The following RGS6 variants were observed in gnomAD, a reference collection of about 807,000 sequenced individuals.
RGS6 encodes regulator of G protein signaling 6.
Under a neutral mutation model 78.5 loss-of-function variants are expected in RGS6, and 30 were observed. The observed-to-expected ratio is 0.38, with a 90% CI of 0.29 to 0.52. The LOEUF is 0.52. Ranked by LOEUF, RGS6 falls within the 20% of genes least tolerant of loss-of-function variation. RGS6 has a pLI of 0.85. For synonymous variants in RGS6, 206 were observed against 206.0 expected (o/e 1.00, Z 0.00); for missense variants, 495 against 609.7 (o/e 0.81, Z 1.98).
chr14:72,175,233 C>T (rs780335692), intron 2 of RGS6, among the ~76,000 whole-genome samples: 1 of 152,128 alleles, frequency 6.6e-6, no homozygotes, highest in Non-Finnish European at 1.5e-5. Flanking sequence ...TTGTCGTTTG[C>T]ATACCATGTA....
chr14:72,323,938 G>T (rs1169573915), intron 2 of RGS6, among the ~76,000 whole-genome samples: 3 of 149,222 alleles, frequency 2.0e-5, no homozygotes, highest in Non-Finnish European at 4.4e-5. Context: ...TATTTATGGG[G>T]TACTTGAGAT....
In RGS6 at chr14:72,150,623, C is replaced by T. The variant is rs377375748; in HGVS notation, c.84+185748C>T. On this transcript the variant is annotated intron_variant, in intron 2 of 17. Transcript: ENST00000553525. ...GCAGAAGGTTAAGGGGAAGCAGGCA[C>T]GTCTTACATAGCCCAAGCAGAAGGA... Among the ~76,000 whole-genome samples, 113 of 152,022 alleles carry T rather than the reference C, an allele frequency of 7.4e-4. 7 individuals carry two copies. In the South Asian group the frequency reaches 0.023, roughly 31 times the overall value.
chr14:72,068,323 G>T (rs2094253917), intron 2 of RGS6, among the ~76,000 whole-genome samples: 1 of 151,448 alleles, frequency 6.6e-6, no homozygotes, highest in African/African-American at 2.4e-5. Context: ...TTTGCAGAGA[G>T]GGGGTTTTGC....
At chr14:72,501,249 G>A (rs1321161119) in intron 13 of RGS6, among the ~76,000 whole-genome samples, 1 of 152,168 alleles carries the variant, frequency 6.6e-6, no homozygotes, top group Non-Finnish European at 1.5e-5. Flanking sequence ...CAGCCAAATG[G>A]AGGATGGCCA....
chr14:72,099,321 G>A lies in RGS6; in HGVS notation c.84+134446G>A, dbSNP rs571247944. ...ACTACAGGTACCAGCCTCCATGCCC[G>A]GCTAATTTTTTATATTTTTAGTAGA... On this transcript the variant is annotated intron_variant, in intron 2 of 17. Coordinates refer to ENST00000553525, the MANE Select transcript of RGS6 (RefSeq NM_001204424.2). Among the ~76,000 whole-genome samples the A allele has an allele frequency of 4.6e-5, 7 of 152,088 alleles. No homozygotes were observed. The East Asian group carries it at 5.8e-4, about 13-fold the overall frequency.
the RGS6 span, among the ~76,000 whole-genome samples, chr14:71,894,819 T>G: frequency 1.1e-5 from 1 of 87,194 alleles, no homozygotes; most frequent in African/African-American, 4.8e-5. Context: ...ATCAAAGGTA[T>G]TTTCCTTTTT....
chr14:72,614,097 TC>T, the RGS6 span, among the ~76,000 whole-genome samples: 3 of 152,146 alleles, frequency 2.0e-5, no homozygotes, highest in African/African-American at 7.2e-5. Flanking sequence ...AACCCATCTG[TC>T]CCATTGTTTC....
chr14:72,000,045 G>A (rs2083142377), intron 2 of RGS6, among the ~76,000 whole-genome samples: 1 of 152,174 alleles, frequency 6.6e-6, no homozygotes, highest in Admixed American at 6.5e-5. Context: ...GACTGGATCA[G>A]GGAGAACCTT....
upstream of RGS6, among the ~76,000 whole-genome samples, chr14:71,930,977 CAAAAAAAAAAAAAAAAAAAAA>C (rs58649273): frequency 5.0e-3 from 83 of 16,648 alleles, no homozygotes; most frequent in East Asian, 0.062. Context: ...AACTACGTCT[CAAAAAAAAAAAAAAAAAAAAA>C]AAAAAAAAAA....
At chr14:72,528,607 C>G (rs1307805452) in intron 15 of RGS6, among the ~76,000 whole-genome samples, 2 of 152,044 alleles carry the variant, frequency 1.3e-5, no homozygotes, top group East Asian at 3.9e-4. Context: ...TTAGTCATCT[C>G]TGTTGTAGAA....
intron 2 of RGS6, among the ~76,000 whole-genome samples, chr14:72,191,034 T>C (rs2097317317): frequency 6.6e-6 from 1 of 152,210 alleles, no homozygotes; most frequent in South Asian, 2.1e-4. Flanking sequence ...AGGTCTTCAT[T>C]ACTCCTGTAT....
Position 72,372,910 on chromosome 14 carries a change from A to G in RGS6, c.184+20716A>G, listed in dbSNP as rs142331417. On this transcript the variant is annotated intron_variant, in intron 3 of 17. Coordinates refer to ENST00000553525, the MANE Select transcript of RGS6 (RefSeq NM_001204424.2). ...GGATGTATATGAACTGAGACTCTTGAGGCTAAGAGGCTGCATGGGGCAGCC... is the reference window on the plus strand; with the variant it reads ...GGATGTATATGAACTGAGACTCTTGGGGCTAAGAGGCTGCATGGGGCAGCC... Among the ~76,000 whole-genome samples, 500 of 152,332 alleles carry G rather than the reference A, an allele frequency of 3.3e-3. 20 individuals are homozygous for G. Among genetic ancestry groups the G allele is most frequent in the Admixed American group, 0.024 (374 of 15,308 alleles).
intron 2 of RGS6, among the ~76,000 whole-genome samples, chr14:72,324,840 G>A (rs933976212): frequency 8.5e-5 from 13 of 152,088 alleles, no homozygotes; most frequent in African/African-American, 3.1e-4. Flanking sequence ...CTTTATAGCA[G>A]CATGATTTAT....
At chr14:71,932,219 C>T (rs534290837), upstream of RGS6, among the ~76,000 whole-genome samples, 1 of 152,210 alleles carries the variant, frequency 6.6e-6, no homozygotes, top group Non-Finnish European at 1.5e-5. Context: ...GCGCCTTCCG[C>T]GGCTCTGGGA....
chr14:72,568,735 C>T (rs888740308), downstream of RGS6, among the ~76,000 whole-genome samples: 3 of 152,238 alleles, frequency 2.0e-5, no homozygotes, highest in African/African-American at 7.2e-5. Context: ...TGGCTACTTC[C>T]GTGAGATTTG....
intron 4 of RGS6, among the ~76,000 whole-genome samples, chr14:72,457,562 C>A (rs1300316340): frequency 2.0e-5 from 3 of 152,076 alleles, no homozygotes; most frequent in Non-Finnish European, 4.4e-5. Context: ...GGATTACAGG[C>A]GTGAGCCACC....
intron 2 of RGS6, among the ~76,000 whole-genome samples, chr14:72,093,282 C>A (rs1244371124): frequency 6.6e-6 from 1 of 152,138 alleles, no homozygotes; most frequent in East Asian, 1.9e-4. Flanking sequence ...CACTCTGTCA[C>A]CCAGGCTGGA....
At chr14:72,609,547 T>G in the RGS6 span, among the ~76,000 whole-genome samples, 1 of 152,144 alleles carries the variant, frequency 6.6e-6, no homozygotes, top group African/African-American at 2.4e-5. Flanking sequence ...GATACGTTCC[T>G]TAGGCAGGGC....
At chr14:71,916,569 G>A in the RGS6 span, among the ~76,000 whole-genome samples, 1 of 152,198 alleles carries the variant, frequency 6.6e-6, no homozygotes, top group African/African-American at 2.4e-5. Context: ...AATTTGCAGT[G>A]TGGATCTGCA....
Sources: gnomAD v4.1 joint callset for allele counts (sites outside exome capture counted in the v4.1 genomes callset) on GRCh38, gnomAD v4.1.1 for gene constraint, MANE v1.5 for transcripts, NCBI Gene and HGNC (gene_info 2026-07-23, HGNC 2026-07-21) for gene names.